Variants in KCNH7 observed in about 807,000 individuals in gnomAD.
KCNH7 encodes potassium voltage-gated channel subfamily H member 7, also known as voltage-gated inwardly rectifying potassium channel KCNH7.
A neutral mutation model predicts 120.8 loss-of-function variants in KCNH7; 49 were observed. That is an observed-to-expected ratio of 0.41 (90% confidence interval 0.32 to 0.51). The LOEUF is 0.51. KCNH7 is among the 20% of genes least tolerant of loss of function. The pLI is 0.38. For synonymous variants in KCNH7, 547 were observed against 516.1 expected (o/e 1.06, Z -0.81); for missense variants, 1,097 against 1,446.6 (o/e 0.76, Z 3.92).
intron 2 of KCNH7, among the ~76,000 whole-genome samples, chr2:162,791,940 A>G (rs1683961479): frequency 6.6e-6 from 1 of 151,746 alleles, no homozygotes; most frequent in Non-Finnish European, 1.5e-5. Context: ...CTCTTATTAT[A>G]TTGAAGTATA....
rs199985689 is a variant in KCNH7, at chr2:162,442,005, T to C, written c.1554+4013A>G. ...AATTAAATAGTTAGGTCTTCTTTTTTTTTTTTTTTTTTTTTTTTTTTTTTT... is the reference window on the plus strand; with the variant it reads ...AATTAAATAGTTAGGTCTTCTTTTTCTTTTTTTTTTTTTTTTTTTTTTTTT... On this transcript the variant is annotated intron_variant, in intron 7 of 15. Transcript: ENST00000332142. 5.5e-3 allele frequency among the ~76,000 whole-genome samples: 468 copies of C among 85,134 alleles called. 6 individuals are homozygous for C. The highest frequency in any genetic ancestry group is 0.034 in the Admixed American group (227 of 6,712). The allele number at this position is 85,134 out of a possible 152,430, so 55.9% of individuals were successfully genotyped here. A position where few individuals can be genotyped will look rare whatever the true frequency, so the allele number is the denominator to read the frequency against.
At chr2:162,668,377 A>G (rs1685222336) in intron 2 of KCNH7, among the ~76,000 whole-genome samples, 1 of 152,178 alleles carries the variant, frequency 6.6e-6, no homozygotes, top group South Asian at 2.1e-4. Context: ...AGTAAACTAC[A>G]CTCAACAGAA....
chr2:162,662,584 T>C (rs1249577949), intron 2 of KCNH7, among the ~76,000 whole-genome samples: 2 of 152,222 alleles, frequency 1.3e-5, no homozygotes, highest in African/African-American at 4.8e-5. Context: ...CTGTCTGCTA[T>C]TTCAGAGTCT....
chr2:162,736,898 G>T (rs1410067876), intron 2 of KCNH7, among the ~76,000 whole-genome samples: 3 of 151,948 alleles, frequency 2.0e-5, no homozygotes, highest in Non-Finnish European at 4.4e-5. Context: ...TTTTCCTGAG[G>T]ATTCAGCAAC....
intron 2 of KCNH7, among the ~76,000 whole-genome samples, chr2:162,595,797 T>C (rs1694359252): frequency 6.6e-6 from 1 of 152,058 alleles, no homozygotes; most frequent in Non-Finnish European, 1.5e-5. Context: ...GCCAATGTTA[T>C]GATCTTGTAT....
At chr2:162,696,407 C>T (rs895330687) in intron 2 of KCNH7, among the ~76,000 whole-genome samples, 4 of 151,992 alleles carry the variant, frequency 2.6e-5, no homozygotes, top group Non-Finnish European at 4.4e-5. Context: ...TCTATCATCC[C>T]GAGTCCTTCG....
chr2:162,517,025 G>T (rs1447178280), intron 4 of KCNH7, among the ~76,000 whole-genome samples: 2 of 151,738 alleles, frequency 1.3e-5, no homozygotes, highest in Admixed American at 6.6e-5. Context: ...GACACAGTAA[G>T]TACTTAACCG....
At chr2:162,655,228 A>G (rs1008905637) in intron 2 of KCNH7, among the ~76,000 whole-genome samples, 5 of 152,156 alleles carry the variant, frequency 3.3e-5, no homozygotes, top group African/African-American at 1.2e-4. Flanking sequence ...CATCATGTAC[A>G]TAATGAATTT....
chr2:162,566,160 T>G (rs1693244438), intron 2 of KCNH7, among the ~76,000 whole-genome samples: 1 of 151,962 alleles, frequency 6.6e-6, no homozygotes, highest in African/African-American at 2.4e-5. Flanking sequence ...GCACCAACCC[T>G]TTCCTCCTCC....
At chr2:162,823,534 T>G (rs1373569777) in intron 2 of KCNH7, among the ~76,000 whole-genome samples, 2 of 152,102 alleles carry the variant, frequency 1.3e-5, no homozygotes, top group African/African-American at 4.8e-5. Context: ...GGTTGATTAT[T>G]CCATTTCTAG....
chr2:162,770,568 G>A (rs1011203755), intron 2 of KCNH7, among the ~76,000 whole-genome samples: 10 of 151,840 alleles, frequency 6.6e-5, no homozygotes, highest in Non-Finnish European at 1.2e-4. Flanking sequence ...TTGAGATAAC[G>A]GCTTTGAGAA....
At chr2:162,723,895 A>G (rs1471972349) in intron 2 of KCNH7, among the ~76,000 whole-genome samples, 7 of 152,200 alleles carry the variant, frequency 4.6e-5, no homozygotes, top group Non-Finnish European at 8.8e-5. Context: ...CAATATACAC[A>G]GTTTCAAATA....
chr2:162,445,717 A>T (rs980914694), intron 7 of KCNH7, among the ~76,000 whole-genome samples: 27 of 152,192 alleles, frequency 1.8e-4, no homozygotes, highest in Admixed American at 1.8e-3. Context: ...TACACCCGTG[A>T]AGTTAATAAG....
chr2:162,400,279 C>A lies in KCNH7; in HGVS notation c.2317G>T (p.Val773Phe). 6.2e-7 allele frequency: 1 copy of A among 1,612,408 alleles called. No individual in the cohort carries two copies. Among genetic ancestry groups the A allele is most frequent in the Non-Finnish European group, 8.5e-7 (1 of 1,178,980 alleles). ...GCAGTGAGGACATCCCCACAGTGAACGAGGGTGTCTCCTGGAGGTGCATGG... is the reference window on the plus strand; with the variant it reads ...GCAGTGAGGACATCCCCACAGTGAAAGAGGGTGTCTCCTGGAGGTGCATGG... Reference protein sequence around the residue: ...TTHAPPGDTLVHCGDVLTALY... With the variant: ...TTHAPPGDTLFHCGDVLTALY... Residue 773 changes from valine to phenylalanine, a missense_variant, in exon 10 of 16, where the codon GTT becomes TTT. Transcript: ENST00000332142.
intron 2 of KCNH7, among the ~76,000 whole-genome samples, chr2:162,696,271 A>C (rs1292016681): frequency 6.6e-6 from 1 of 152,202 alleles, no homozygotes; most frequent in East Asian, 1.9e-4. Context: ...CTGGAGATTT[A>C]CTATGCAAAA....
intron 2 of KCNH7, among the ~76,000 whole-genome samples, chr2:162,572,374 G>A (rs1399016619): frequency 1.7e-4 from 21 of 122,516 alleles, no homozygotes; most frequent in African/African-American, 4.8e-4. Context: ...TTAGAATGGC[G>A]ATCATTAAAA....
intron 2 of KCNH7, among the ~76,000 whole-genome samples, chr2:162,568,318 C>T (rs960702217): frequency 6.6e-5 from 10 of 151,922 alleles, no homozygotes; most frequent in Non-Finnish European, 2.9e-5. Flanking sequence ...AAAGCCAAAC[C>T]ATATCAGTAG....
chr2:162,441,095 A>G (rs1688402452), intron 7 of KCNH7, among the ~76,000 whole-genome samples: 1 of 152,148 alleles, frequency 6.6e-6, no homozygotes, highest in Non-Finnish European at 1.5e-5. Flanking sequence ...TTTTAGAGGC[A>G]TGACCAATAG....
intron 6 of KCNH7, among the ~76,000 whole-genome samples, chr2:162,491,699 G>C (rs948410709): frequency 6.6e-6 from 1 of 152,074 alleles, no homozygotes; most frequent in Admixed American, 6.5e-5. Context: ...CAGGACTCGG[G>C]GATATAAGGA....
Sources: gnomAD v4.1 joint callset for allele counts (sites outside exome capture counted in the v4.1 genomes callset) on GRCh38, gnomAD v4.1.1 for gene constraint, MANE v1.5 for transcripts, NCBI Gene and HGNC (gene_info 2026-07-23, HGNC 2026-07-21) for gene names.